ADGRL3: variants seen among roughly 807,000 people sequenced by gnomAD.
ADGRL3 encodes adhesion G protein-coupled receptor L3.
Under a neutral mutation model 153.5 loss-of-function variants are expected in ADGRL3, and 62 were observed. The ratio of observed to expected loss-of-function variants is 0.40; its 90% CI spans 0.33 to 0.50. The LOEUF (loss-of-function observed/expected upper bound fraction) is 0.50, where lower values mean the gene tolerates loss of function less well. Ranked by LOEUF, ADGRL3 falls within the 20% of genes least tolerant of loss-of-function variation. The pLI is 0.47. For missense variants in ADGRL3, 1,641 were observed against 1,859.4 expected (o/e 0.88, Z 2.16); for synonymous variants, 710 against 672.5 (o/e 1.06, Z -0.86).
chr4:61,235,636 A>T (rs895693341), intron 1 of ADGRL3, among the ~76,000 whole-genome samples: 5 of 152,190 alleles, frequency 3.3e-5, no homozygotes, highest in Non-Finnish European at 7.3e-5. Flanking sequence ...GCATCACTCA[A>T]AATAAGAGCT....
chr4:62,053,592 G>A (rs1249058949), intron 25 of ADGRL3, among the ~76,000 whole-genome samples: 1 of 151,496 alleles, frequency 6.6e-6, no homozygotes, highest in African/African-American at 2.4e-5. Flanking sequence ...AAGGAAGATA[G>A]TCAATCTTGA....
chr4:61,561,743 T>C (rs1264806734), intron 4 of ADGRL3, among the ~76,000 whole-genome samples: 2 of 152,098 alleles, frequency 1.3e-5, no homozygotes, highest in African/African-American at 4.8e-5. Context: ...CTCATAAAAA[T>C]GTATCATATA....
At chr4:61,271,197 A>C (rs4860406) in intron 1 of ADGRL3, among the ~76,000 whole-genome samples, 1 of 151,498 alleles carries the variant, frequency 6.6e-6, no homozygotes, top group South Asian at 2.1e-4. Context: ...TGAAATTTAT[A>C]TGTCTTGTAA....
intron 9 of ADGRL3, among the ~76,000 whole-genome samples, chr4:61,847,467 G>GCA (rs2098130404): frequency 2.7e-5 from 4 of 148,002 alleles, no homozygotes; most frequent in Admixed American, 2.1e-4. Context: ...GGCAGGGTAT[G>GCA]TGTGTACTAC....
intron 19 of ADGRL3, among the ~76,000 whole-genome samples, chr4:61,984,952 A>G (rs1336421767): frequency 6.6e-6 from 1 of 152,202 alleles, no homozygotes; most frequent in Non-Finnish European, 1.5e-5. Context: ...AGTCTTAAGC[A>G]TATCTAGGGT....
At chr4:61,998,689 C>A (rs1206004253) in intron 21 of ADGRL3, among the ~76,000 whole-genome samples, 5 of 151,880 alleles carry the variant, frequency 3.3e-5, no homozygotes, top group African/African-American at 1.2e-4. Flanking sequence ...GATTTTCCTG[C>A]CCCAGCCTCC....
intron 21 of ADGRL3, among the ~76,000 whole-genome samples, chr4:62,002,514 C>T (rs1032246887): frequency 6.6e-6 from 1 of 151,318 alleles, no homozygotes; most frequent in African/African-American, 2.4e-5. Context: ...TAATAGAGAA[C>T]ATTTAATTGG....
intron 19 of ADGRL3, among the ~76,000 whole-genome samples, chr4:61,992,396 T>G (rs1231222813): frequency 1.3e-5 from 2 of 152,168 alleles, no homozygotes; most frequent in Non-Finnish European, 2.9e-5. Context: ...TTCTCCACCT[T>G]AAAGGCTGAA....
chr4:61,522,836 A>G (rs1214952640), intron 4 of ADGRL3, among the ~76,000 whole-genome samples: 1 of 152,114 alleles, frequency 6.6e-6, no homozygotes, highest in African/African-American at 2.4e-5. Flanking sequence ...GGTTGCGTCA[A>G]TTTACCAGAC....
At chr4:61,443,374 G>C (rs1019632423) in intron 2 of ADGRL3, among the ~76,000 whole-genome samples, 1 of 151,886 alleles carries the variant, frequency 6.6e-6, no homozygotes, top group Admixed American at 6.6e-5. Flanking sequence ...TCAATTAGAG[G>C]CATGTTCTTT....
At chr4:62,047,333 A>G (rs551209101) in intron 25 of ADGRL3, among the ~76,000 whole-genome samples, 1 of 152,040 alleles carries the variant, frequency 6.6e-6, no homozygotes, top group Non-Finnish European at 1.5e-5. Context: ...TCATTAAAAG[A>G]GTATTATTTT....
intron 6 of ADGRL3, among the ~76,000 whole-genome samples, chr4:61,720,814 G>A (rs1172139731): frequency 6.6e-6 from 1 of 152,166 alleles, no homozygotes; most frequent in African/African-American, 2.4e-5. Flanking sequence ...TAATAAATAT[G>A]AGTTGTTCTC....
intron 5 of ADGRL3, among the ~76,000 whole-genome samples, chr4:61,629,594 G>C (rs1391826431): frequency 6.6e-6 from 1 of 151,038 alleles, no homozygotes; most frequent in Non-Finnish European, 1.5e-5. Flanking sequence ...GTGGAAGCCT[G>C]TAATCCCAGC....
At chr4:61,309,183 G>A (rs2094909829) in intron 1 of ADGRL3, among the ~76,000 whole-genome samples, 1 of 152,138 alleles carries the variant, frequency 6.6e-6, no homozygotes, top group Admixed American at 6.5e-5. Context: ...AGTCACATCT[G>A]TTCATTACTT....
chr4:61,404,150 G>A (rs891657127), intron 2 of ADGRL3, among the ~76,000 whole-genome samples: 1 of 151,984 alleles, frequency 6.6e-6, no homozygotes, highest in South Asian at 2.1e-4. Flanking sequence ...CAGTCCATTG[G>A]CAGAGACAGG....
intron 8 of ADGRL3, among the ~76,000 whole-genome samples, chr4:61,744,847 G>T (rs1172395601): frequency 6.6e-6 from 1 of 152,168 alleles, no homozygotes; most frequent in Non-Finnish European, 1.5e-5. Flanking sequence ...CACCAGCAAC[G>T]GAACAAAGCT....
chr4:61,475,138 A>C (rs1198188722), intron 2 of ADGRL3, among the ~76,000 whole-genome samples: 1 of 152,126 alleles, frequency 6.6e-6, no homozygotes, highest in Non-Finnish European at 1.5e-5. Context: ...CAAGCTAGGA[A>C]ATTTTCTAAT....
chr4:61,827,858 G>A (rs73203790), intron 9 of ADGRL3, among the ~76,000 whole-genome samples: 2,939 of 152,082 alleles, frequency 0.019, 111 homozygotes, highest in African/African-American at 0.068. Flanking sequence ...TACATGTAGC[G>A]TGAAACATGA....
chr4:62,023,552 GT>G (rs2099247527), intron 21 of ADGRL3, among the ~76,000 whole-genome samples: 1 of 152,140 alleles, frequency 6.6e-6, no homozygotes, highest in African/African-American at 2.4e-5. Flanking sequence ...GTTAATCGAT[GT>G]GGCAAACTTC....
Sources: allele counts gnomAD v4.1 joint callset (sites outside exome capture counted in the v4.1 genomes callset), GRCh38; gene constraint gnomAD v4.1.1; transcripts MANE v1.5; gene names NCBI Gene and HGNC (gene_info 2026-07-23, HGNC 2026-07-21).